ADD1: variants seen among roughly 807,000 people sequenced by gnomAD.
ADD1 encodes adducin 1, also known as alpha-adducin.
ADD1 carries 24 observed loss-of-function variants against 80.5 expected under a neutral mutation model. The ratio of observed to expected loss-of-function variants is 0.30; its 90% CI spans 0.22 to 0.42. The LOEUF is 0.42. Ranked by LOEUF, ADD1 falls within the 10% of genes least tolerant of loss-of-function variation. The pLI is 1.00. For synonymous variants in ADD1, 373 were observed against 393.8 expected (o/e 0.95, Z 0.63); for missense variants, 948 against 1,019.0 (o/e 0.93, Z 0.95).
intron 14 of ADD1, among the ~76,000 whole-genome samples, chr4:2,918,166 T>C (rs1739393126): frequency 6.6e-6 from 1 of 152,216 alleles, no homozygotes; most frequent in African/African-American, 2.4e-5. Context: ...CATGGAATGT[T>C]TTTCTATTTG....
At chr4:2,903,775 AC>A (rs1459423429) in intron 9 of ADD1, among the ~76,000 whole-genome samples, 1 of 152,124 alleles carries the variant, frequency 6.6e-6, no homozygotes, top group Non-Finnish European at 1.5e-5. Context: ...TGTCACACTT[AC>A]CAAGTGTGGC....
rs1339456857 is a variant in ADD1 at position 2,865,894 on chromosome 4, C to A, written c.-20-10002C>A. On this transcript the variant is annotated intron_variant, in intron 1 of 15. Transcript: ENST00000683351. ...GAGCAAAAATAGAGAAAGTAGCTGACATTGCCAGAAGATAAGTCAAATTCT... is the reference window on the plus strand; with the variant it reads ...GAGCAAAAATAGAGAAAGTAGCTGAAATTGCCAGAAGATAAGTCAAATTCT... 1.1e-3 allele frequency among the ~76,000 whole-genome samples: 164 copies of A among 152,162 alleles called. 2 individuals carry two copies. The highest frequency in any genetic ancestry group is 3.1e-4 in the Non-Finnish European group (21 of 68,026).
intron 4 of ADD1, among the ~76,000 whole-genome samples, chr4:2,886,269 A>T (rs1733349453): frequency 6.6e-6 from 1 of 152,140 alleles, no homozygotes. Context: ...GTGCTTCGTT[A>T]AGCTCCATTC....
intron 2 of ADD1, among the ~76,000 whole-genome samples, chr4:2,880,282 G>A (rs991278879): frequency 2.0e-5 from 3 of 151,842 alleles, no homozygotes; most frequent in Non-Finnish European, 4.4e-5. Flanking sequence ...ACATCTGTCT[G>A]TTGTGTGCTT....
At chr4:2,899,203 T>G in intron 8 of ADD1, 56 bp from the exon 9 acceptor site, 3 of 1,522,206 alleles carry the variant, frequency 2.0e-6, no homozygotes, top group Non-Finnish European at 2.7e-6. Flanking sequence ...TCAAGTCATC[T>G]GACCCTCTTG....
rs549502385 is a variant in ADD1 at position 2,874,963 on chromosome 4, A to G, written c.-20-933A>G. 1.6e-4 allele frequency among the ~76,000 whole-genome samples: 24 copies of G among 152,178 alleles called. 1 individual carries two copies. Among genetic ancestry groups the G allele is most frequent in the Admixed American group, 1.2e-3 (19 of 15,278 alleles). On this transcript the variant is annotated intron_variant, in intron 1 of 15. Coordinates refer to ENST00000683351, the MANE Select transcript of ADD1 (RefSeq NM_001354761.2). ...GAAAGCTAACAGGGCGTGGTGGCTC[A>G]TGCCTGTGATCCCAGCACTTTGGAA...
intron 1 of ADD1, 132 bp downstream of exon 1, chr4:2,844,156 G>A (rs1373124916): frequency 6.8e-6 from 1 of 147,380 alleles, no homozygotes; most frequent in Admixed American, 6.8e-5. Context: ...CCTCGGGGGC[G>A]GGGAGGCCGC....
In ADD1 at chr4:2,899,451, C is replaced by G. The variant is rs775231004; in HGVS notation, c.1161+16C>G. 1 of 1,613,998 alleles carries G rather than the reference C, an allele frequency of 6.2e-7. No individual in the cohort carries two copies. The highest frequency in any genetic ancestry group is 2.2e-5 in the East Asian group (1 of 44,890). ...CGATAATCTGGTAAGAATGGTGCCA[C>G]CACTTGATGATAAACCTTTTGTTCT... On this transcript the variant is annotated intron_variant, in intron 9 of 15. Transcript: ENST00000683351.
chr4:2,920,282 T>C (rs532476551), intron 14 of ADD1, among the ~76,000 whole-genome samples: 17 of 152,206 alleles, frequency 1.1e-4, no homozygotes, highest in Non-Finnish European at 2.1e-4. Context: ...ATAAGTGCGA[T>C]GTGGTGCTGA....
rs1488778541 is a variant in ADD1 at position 2,928,298 on chromosome 4, A to G, written c.2175A>G (p.Glu725=). ...TCCCAATGTTAGAGAAGGAGGAGGA[A>G]GCCCATAGACCCCCAAGCCCCACTG... The part of the protein sequence containing the change: ...LGFPMLEKEE[E]AHRPPSPTEA... Residue 725 remains glutamate, a synonymous_variant, in exon 16 of 16, where the codon GAA becomes GAG. Transcript: ENST00000683351. 1 of 1,614,038 alleles carries G rather than the reference A, an allele frequency of 6.2e-7. No homozygotes were observed. The highest frequency in any genetic ancestry group is 1.3e-5 in the African/African-American group (1 of 75,014).
chr4:2,852,301 C>A (rs1312414166), intron 1 of ADD1, among the ~76,000 whole-genome samples: 11 of 85,016 alleles, frequency 1.3e-4, no homozygotes, highest in African/African-American at 5.4e-4. Context: ...CTTTTCTTTT[C>A]TTTTCTTTTT....
chr4:2,897,541 CTT>C (rs34592055), intron 6 of ADD1, among the ~76,000 whole-genome samples: 1,693 of 99,084 alleles, frequency 0.017, 36 homozygotes, highest in African/African-American at 0.046. Context: ...AAACCTCCTC[CTT>C]TTTTTTTTTT....
chr4:2,881,849 A>G, intron 2 of ADD1, 49 bp from the exon 3 acceptor site: 2 of 1,525,356 alleles, frequency 1.3e-6, no homozygotes, highest in South Asian at 1.3e-5. Flanking sequence ...CCCCCTGCCC[A>G]AGGAACAGAA....
intron 1 of ADD1, among the ~76,000 whole-genome samples, chr4:2,860,952 A>G (rs1577454845): frequency 6.6e-6 from 1 of 152,328 alleles, no homozygotes; most frequent in South Asian, 2.1e-4. Context: ...AGAAAACACA[A>G]AAAGTCCAGG....
At chr4:2,898,397 T>C (rs1560212013) in intron 7 of ADD1, 36 bp from the exon 8 acceptor site, 2 of 1,614,022 alleles carry the variant, frequency 1.2e-6, no homozygotes, top group Non-Finnish European at 1.7e-6. Context: ...CCAGTCTTCC[T>C]GCCCAGCTCC....
intron 2 of ADD1, among the ~76,000 whole-genome samples, chr4:2,879,114 A>G (rs1731813677): frequency 1.3e-5 from 2 of 152,124 alleles, no homozygotes; most frequent in Admixed American, 1.3e-4. Flanking sequence ...AGGGTCCCAA[A>G]CTGAGGGTAT....
chr4:2,856,232 A>G (rs902794951), intron 1 of ADD1, among the ~76,000 whole-genome samples: 15 of 152,240 alleles, frequency 9.9e-5, no homozygotes, highest in African/African-American at 3.6e-4. Context: ...TTGATATAGA[A>G]ATCCAGATTG....
In ADD1 at chr4:2,915,318, C is replaced by T. The variant is rs1476923633; in HGVS notation, c.1948+278C>T. Reference sequence around the variant, plus strand: ...GTCGGGAGTTCGAGACCAACCTGACCAACATGGAGAAACCCCATCTCTACC... The same window carrying T: ...GTCGGGAGTTCGAGACCAACCTGACTAACATGGAGAAACCCCATCTCTACC... On this transcript the variant is annotated intron_variant, in intron 14 of 15. Coordinates refer to ENST00000683351, the MANE Select transcript of ADD1 (RefSeq NM_001354761.2). Among the ~76,000 whole-genome samples the T allele has an allele frequency of 2.6e-5, 4 of 152,088 alleles. No homozygotes were observed. In the South Asian group the frequency reaches 6.2e-4, roughly 24 times the overall value.
intron 6 of ADD1, among the ~76,000 whole-genome samples, chr4:2,895,416 G>A (rs1395359163): frequency 6.6e-6 from 1 of 152,070 alleles, no homozygotes; most frequent in African/African-American, 2.4e-5. Context: ...AGCTGGGGTG[G>A]TGGGTGGAGG....
Sources: allele counts gnomAD v4.1 joint callset (sites outside exome capture counted in the v4.1 genomes callset), GRCh38; gene constraint gnomAD v4.1.1; transcripts MANE v1.5; gene names NCBI Gene and HGNC (gene_info 2026-07-23, HGNC 2026-07-21).